The following PRH1 variants were observed in gnomAD, a reference collection of about 807,000 sequenced individuals.
The protein encoded by PRH1 is proline rich protein HaeIII subfamily 1.
PRH1 carries 7 observed loss-of-function variants against 7.9 expected under a neutral mutation model. The observed-to-expected ratio is 0.89, with a 90% CI of 0.50 to 1.67. PRH1 has a LOEUF of 1.67. Ranked by LOEUF, PRH1 falls within the 40% of genes most tolerant of loss-of-function variation. The probability of loss-of-function intolerance (pLI) is 0.00; values close to 1 mark genes in which losing one functional copy is unlikely to be tolerated. For synonymous variants in PRH1, 45 were observed against 80.8 expected (o/e 0.56, Z 2.38); for missense variants, 109 against 223.6 (o/e 0.49, Z 3.27).
intron 2 of PRH1, among the ~76,000 whole-genome samples, chr12:10,915,834 G>T (rs534636086): frequency 6.6e-6 from 1 of 151,992 alleles, no homozygotes; most frequent in Non-Finnish European, 1.5e-5. Flanking sequence ...CATCCCCATC[G>T]CGTTCCCTCG....
intron 1 of PRH1, among the ~76,000 whole-genome samples, chr12:11,101,839 A>C (rs180858245): frequency 0.049 from 7,435 of 152,278 alleles, 234 homozygotes; most frequent in Non-Finnish European, 0.073. Context: ...AAGCAACTTC[A>C]GCAAAGTCTC....
intron 1 of PRH1, among the ~76,000 whole-genome samples, chr12:11,141,262 TTAAA>T: frequency 6.6e-6 from 1 of 152,334 alleles, no homozygotes; most frequent in East Asian, 1.9e-4. Flanking sequence ...TAGTTAATAC[TTAAA>T]TATTTATTGT....
chr12:11,135,849 C>T (rs1946534199), intron 1 of PRH1, among the ~76,000 whole-genome samples: 1 of 151,926 alleles, frequency 6.6e-6, no homozygotes, highest in African/African-American at 2.4e-5. Context: ...GAATGTATAC[C>T]AATAGTTTAT....
At chr12:10,953,245 G>T (rs971433760) in intron 2 of PRH1, among the ~76,000 whole-genome samples, 1 of 151,994 alleles carries the variant, frequency 6.6e-6, no homozygotes, top group Non-Finnish European at 1.5e-5. Flanking sequence ...ACCTCCAAAT[G>T]ACCACGCTAG....
At chr12:11,099,919 T>C (rs1480787912) in intron 1 of PRH1, among the ~76,000 whole-genome samples, 3 of 152,190 alleles carry the variant, frequency 2.0e-5, no homozygotes, top group Non-Finnish European at 2.9e-5. Context: ...GTGAGGTGGA[T>C]AATTAAGGCT....
At chr12:11,068,835 C>G (rs1415547272) in intron 1 of PRH1, among the ~76,000 whole-genome samples, 3 of 152,182 alleles carry the variant, frequency 2.0e-5, no homozygotes, top group Non-Finnish European at 4.4e-5. Flanking sequence ...CACCCTCACT[C>G]TGATTTAGTG....
upstream of PRH1, among the ~76,000 whole-genome samples, chr12:11,049,837 C>A (rs999205412): frequency 1.3e-5 from 2 of 152,198 alleles, no homozygotes; most frequent in Non-Finnish European, 2.9e-5. Flanking sequence ...GAGGCCAATA[C>A]ACCTTAAAAT....
intron 1 of PRH1, chr12:11,030,820 C>T (rs752696463): frequency 1.2e-6 from 2 of 1,614,178 alleles, no homozygotes; most frequent in Non-Finnish European, 1.7e-6. Context: ...CTGAAAGGTA[C>T]ACTGCACTCC....
intron 2 of PRH1, among the ~76,000 whole-genome samples, chr12:10,906,805 C>T (rs1949811305): frequency 6.6e-6 from 1 of 152,102 alleles, no homozygotes; most frequent in Non-Finnish European, 1.5e-5. Flanking sequence ...TTATAAGTTA[C>T]CCAGTCTTGA....
intron 1 of PRH1, among the ~76,000 whole-genome samples, chr12:11,149,764 G>A (rs1947002600): frequency 7.2e-6 from 1 of 138,606 alleles, no homozygotes; most frequent in Admixed American, 7.4e-5. Context: ...CATGGGCAAG[G>A]ACTTCATGTC....
chr12:11,000,205 T>C (rs1254041891), intron 1 of PRH1, among the ~76,000 whole-genome samples: 1 of 152,158 alleles, frequency 6.6e-6, no homozygotes, highest in Non-Finnish European at 1.5e-5. Context: ...ATCAATAATA[T>C]ATTTAACTCA....
chr12:11,133,933 CATGCTGAGGCTAGT>C (rs1565689573), intron 1 of PRH1: 1 of 1,614,060 alleles, frequency 6.2e-7, no homozygotes, highest in South Asian at 1.1e-5. Flanking sequence ...GCAAATAAAA[CATGCTGAGGCTAGT>C]AGCAAGCCAG....
At chr12:11,070,457 A>T (rs1249673671) in intron 1 of PRH1, among the ~76,000 whole-genome samples, 1 of 149,990 alleles carries the variant, frequency 6.7e-6, no homozygotes, top group African/African-American at 2.4e-5. Flanking sequence ...ACCAACATAT[A>T]AAACCACAAG....
At chr12:11,132,239 C>T (rs1297449482) in intron 1 of PRH1, among the ~76,000 whole-genome samples, 1 of 152,244 alleles carries the variant, frequency 6.6e-6, no homozygotes, top group Non-Finnish European at 1.5e-5. Flanking sequence ...GGACAAATCC[C>T]ATAATTAATA....
intron 1 of PRH1, among the ~76,000 whole-genome samples, chr12:11,152,595 A>T (rs1486975679): frequency 6.6e-6 from 1 of 152,160 alleles, no homozygotes; most frequent in Non-Finnish European, 1.5e-5. Context: ...ATGGTTAAGA[A>T]AGTTCAGCTT....
chr12:10,908,239 A>G, intron 2 of PRH1: 1 of 624,896 alleles, frequency 1.6e-6, no homozygotes, highest in Non-Finnish European at 2.7e-6. Flanking sequence ...GCTATTATAG[A>G]GAAGAATTTA....
chr12:10,884,108 G>C, intron 1 of PRH1, 46 bp downstream of exon 1: 1 of 1,612,398 alleles, frequency 6.2e-7, no homozygotes, highest in Non-Finnish European at 8.5e-7. Flanking sequence ...GCATTTGCCT[G>C]TAAACCCCAA....
chr12:10,930,778 C>T lies in PRH1; in HGVS notation c.-59+42877G>A, dbSNP rs774869728. Reference sequence around the variant, plus strand: ...CCAGAATGATGGCCCTCAGCAGGGACCACCCCAACAAGGAGGCCAGCAGCA... The same window carrying T: ...CCAGAATGATGGCCCTCAGCAGGGATCACCCCAACAAGGAGGCCAGCAGCA... On this transcript the variant is annotated intron_variant, in intron 2 of 3. Coordinates refer to the PRH1 transcript ENST00000539853. 4.4e-6 allele frequency: 7 copies of T among 1,608,908 alleles called. No homozygotes were observed. In the Admixed American group the frequency reaches 5.0e-5, roughly 12 times the overall value.
rs552685671 is a variant in PRH1 at position 11,097,416 on chromosome 12, C to T, written n.124-50228G>A. ...AAAATCCGCTCTTTAGAAATAAAAG[C>T]GTGCTCAAAAAATGTGTTATTTGCT... On this transcript the variant is annotated intron_variant and non_coding_transcript_variant, in intron 1 of 4. Transcript: ENST00000541977. The T allele has an allele frequency of 1.5e-4, 17 of 116,354 alleles. 2 individuals are homozygous for T. The South Asian group carries it at 3.2e-3, about 22-fold the overall frequency. 7.2% of individuals were successfully genotyped at this position (116,354 alleles called of 1,614,324 possible).
Sources: gnomAD v4.1 joint callset for allele counts (sites outside exome capture counted in the v4.1 genomes callset) on GRCh38, gnomAD v4.1.1 for gene constraint, MANE v1.5 for transcripts, NCBI Gene and HGNC (gene_info 2026-07-23, HGNC 2026-07-21) for gene names.